The following TASP1 variants were observed in gnomAD, a reference collection of about 807,000 sequenced individuals.
TASP1 encodes threonine aspartase 1.
TASP1 carries 16 observed loss-of-function variants against 56.6 expected under a neutral mutation model. The ratio of observed to expected loss-of-function variants is 0.28; its 90% confidence interval spans 0.19 to 0.43. TASP1 has a LOEUF of 0.43. Ranked by LOEUF, TASP1 falls within the 20% of genes least tolerant of loss-of-function variation. The pLI is 1.00. For synonymous variants in TASP1, 179 were observed against 184.2 expected, an observed-to-expected ratio of 0.97 and a Z score of 0.23; for missense variants, 393 against 511.6, an observed-to-expected ratio of 0.77 and a Z score of 2.24.
At chr20:13,601,414 C>T (rs1265693285) in intron 4 of TASP1, among the ~76,000 whole-genome samples, 1 of 152,010 alleles carries the variant, frequency 6.6e-6, no homozygotes, top group African/African-American at 2.4e-5. Context: ...CTCCCAATGG[C>T]CAAAGCAGAA....
chr20:13,286,959 C>T, the TASP1 span, among the ~76,000 whole-genome samples: 1 of 152,224 alleles, frequency 6.6e-6, no homozygotes, highest in Non-Finnish European at 1.5e-5. Context: ...CCAGGAGAAA[C>T]TGTCACAGAG....
chr20:13,573,858 A>G (rs1427538720), intron 6 of TASP1, among the ~76,000 whole-genome samples: 1 of 152,224 alleles, frequency 6.6e-6, no homozygotes, highest in Non-Finnish European at 1.5e-5. Flanking sequence ...CTGCAATCAT[A>G]GAGTTCACCT....
At chr20:13,634,646 C>T (rs2049224670) in intron 1 of TASP1, among the ~76,000 whole-genome samples, 1 of 150,596 alleles carries the variant, frequency 6.6e-6, no homozygotes, top group African/African-American at 2.5e-5. Context: ...AGGAGAATCG[C>T]TTGAACCAGG....
At chr20:13,524,842 G>A (rs571607474) in intron 10 of TASP1, among the ~76,000 whole-genome samples, 5 of 152,212 alleles carry the variant, frequency 3.3e-5, no homozygotes, top group African/African-American at 4.8e-5. Flanking sequence ...CTTCAGTTAC[G>A]TGCCGTGTTG....
At chr20:13,586,002 G>A (rs1262789370) in intron 5 of TASP1, among the ~76,000 whole-genome samples, 2 of 151,788 alleles carry the variant, frequency 1.3e-5, no homozygotes, top group Non-Finnish European at 2.9e-5. Flanking sequence ...AGGCACTGTG[G>A]TGGGTGCCTG....
rs1323176025 is a variant in TASP1 at position 13,410,182 on chromosome 20, T to C, written c.1170+7266A>G. 2.6e-5 allele frequency among the ~76,000 whole-genome samples: 4 copies of C among 152,344 alleles called. No individual in the cohort carries two copies. The East Asian group carries it at 7.7e-4, about 29-fold the overall frequency. On this transcript the variant is annotated intron_variant, in intron 13 of 13. Transcript: ENST00000337743. ...CATTCTTTAATATGCCCAATAGTAT[T>C]CCATTGTGTATACAGACTACATTTT...
the TASP1 span, chr20:13,270,830 C>A: frequency 1.6e-6 from 2 of 1,290,124 alleles, no homozygotes; most frequent in Non-Finnish European, 2.2e-6. Flanking sequence ...GCTGCCTTAC[C>A]TCACTTTTCT....
intron 7 of TASP1, among the ~76,000 whole-genome samples, chr20:13,563,045 C>T (rs972031800): frequency 7.1e-6 from 1 of 141,542 alleles, no homozygotes; most frequent in African/African-American, 2.6e-5. Context: ...CGCACGTATA[C>T]ACATACACAA....
intron 11 of TASP1, among the ~76,000 whole-genome samples, chr20:13,458,847 G>A (rs921533110): frequency 5.3e-5 from 8 of 152,090 alleles, no homozygotes; most frequent in African/African-American, 1.9e-4. Context: ...TAGTACATGT[G>A]GGTTCAGAGC....
At chr20:13,213,163 T>G in the TASP1 span, among the ~76,000 whole-genome samples, 1 of 150,812 alleles carries the variant, frequency 6.6e-6, no homozygotes, top group Admixed American at 6.6e-5. Flanking sequence ...TGTTGAAAGA[T>G]TATTTCAACT....
chr20:13,427,652 A>T (rs2042663976), intron 12 of TASP1, among the ~76,000 whole-genome samples: 1 of 152,194 alleles, frequency 6.6e-6, no homozygotes, highest in Non-Finnish European at 1.5e-5. Flanking sequence ...AAGATCAGAG[A>T]GGCCCACATA....
At chr20:13,487,480 G>T (rs191230856) in intron 10 of TASP1, among the ~76,000 whole-genome samples, 4 of 152,182 alleles carry the variant, frequency 2.6e-5, no homozygotes, top group African/African-American at 9.6e-5. Context: ...ACATTCCCAC[G>T]GCCCTAGGAG....
chr20:13,569,479 G>T (rs2046642110), intron 7 of TASP1, 28 bp downstream of exon 7: 1 of 1,585,096 alleles, frequency 6.3e-7, no homozygotes, highest in Non-Finnish European at 8.6e-7. Flanking sequence ...TGCTCATATA[G>T]CTTAATTTTT....
chr20:13,534,492 G>A (rs1340102797), intron 8 of TASP1, among the ~76,000 whole-genome samples: 1 of 152,162 alleles, frequency 6.6e-6, no homozygotes, highest in Non-Finnish European at 1.5e-5. Flanking sequence ...TTGAGAATGT[G>A]TAGAGGAAAC....
At chr20:13,124,209 G>C in the TASP1 span, among the ~76,000 whole-genome samples, 101 of 152,198 alleles carry the variant, frequency 6.6e-4, no homozygotes, top group African/African-American at 2.3e-3. Flanking sequence ...CCAGGGACTA[G>C]CCTTATGGTC....
At chr20:13,532,220 A>C (rs1337245196) in intron 9 of TASP1, among the ~76,000 whole-genome samples, 1 of 152,182 alleles carries the variant, frequency 6.6e-6, no homozygotes, top group Non-Finnish European at 1.5e-5. Flanking sequence ...ATTACCATTC[A>C]CCATCTGCAC....
At chr20:13,449,958 C>G (rs1311148472) in intron 11 of TASP1, among the ~76,000 whole-genome samples, 1 of 152,006 alleles carries the variant, frequency 6.6e-6, no homozygotes, top group Non-Finnish European at 1.5e-5. Flanking sequence ...ATGTACTTCT[C>G]TATATAAAGG....
At chr20:13,139,503 G>A in the TASP1 span, among the ~76,000 whole-genome samples, 11 of 152,140 alleles carry the variant, frequency 7.2e-5, no homozygotes, top group Non-Finnish European at 1.5e-4. Context: ...TTCAATGTAC[G>A]GTTTCCAAAG....
At chr20:13,270,052 C>T in the TASP1 span, among the ~76,000 whole-genome samples, 1 of 152,178 alleles carries the variant, frequency 6.6e-6, no homozygotes, top group African/African-American at 2.4e-5. Context: ...TAATATGGCC[C>T]AAGAACTATA....
Sources: allele counts gnomAD v4.1 joint callset (sites outside exome capture counted in the v4.1 genomes callset), GRCh38; gene constraint gnomAD v4.1.1; transcripts MANE v1.5; gene names NCBI Gene and HGNC (gene_info 2026-07-23, HGNC 2026-07-21).